Variants in TNN observed in about 807,000 individuals in gnomAD.
TNN encodes tenascin N, also known as tenascin-N.
A neutral mutation model predicts 134.4 loss-of-function variants in TNN; 122 were observed. The observed-to-expected ratio is 0.91, with a 90% confidence interval of 0.78 to 1.06. The LOEUF is 1.06. Among genes scored for constraint, TNN ranks in the 50% least tolerant of loss-of-function variants. The pLI is 0.00. For missense variants in TNN, 1,739 were observed against 1,699.4 expected (o/e 1.02, Z -0.41); for synonymous variants, 710 against 670.3 (o/e 1.06, Z -0.91).
intron 4 of TNN, 96 bp from the exon 5 acceptor site, chr1:175,083,654 A>T: frequency 8.3e-7 from 1 of 1,201,750 alleles, no homozygotes; most frequent in Non-Finnish European, 1.2e-6. Context: ...TGAGATGTCA[A>T]GAAAGGGAGC....
chr1:175,121,556 A>G (rs1675377644), intron 11 of TNN, among the ~76,000 whole-genome samples: 1 of 152,252 alleles, frequency 6.6e-6, no homozygotes. Context: ...AGGAGAATAA[A>G]TGGAGAAAAT....
In TNN at chr1:175,128,762, C is replaced by T; in HGVS notation, c.3330+16C>T. The T allele has an allele frequency of 6.2e-7, 1 of 1,606,692 alleles. No homozygotes were observed. Among genetic ancestry groups the T allele is most frequent in the Non-Finnish European group, 8.5e-7 (1 of 1,175,530 alleles). ...TGGCTGGATTGTGAGTCACGCAGAA[C>T]CCTGGGGAGCTCTGTGTAGGGCCTT... On this transcript the variant is annotated intron_variant, in intron 15 of 18. Transcript: ENST00000239462.
intron 15 of TNN, 134 bp from the exon 16 acceptor site, chr1:175,135,710 TA>T: frequency 3.0e-6 from 2 of 676,536 alleles, no homozygotes; most frequent in Non-Finnish European, 2.7e-6. Flanking sequence ...GACATATAAA[TA>T]AAAAGCCTCT....
chr1:175,086,149 C>T (rs1309995412), intron 6 of TNN, among the ~76,000 whole-genome samples: 2 of 152,156 alleles, frequency 1.3e-5, no homozygotes, highest in African/African-American at 2.4e-5. Context: ...TCCCTAAAGA[C>T]AAGTGATCTA....
At chr1:175,078,534 T>C (rs1371547832) in intron 2 of TNN, among the ~76,000 whole-genome samples, 1 of 152,122 alleles carries the variant, frequency 6.6e-6, no homozygotes, top group Non-Finnish European at 1.5e-5. Context: ...CCTGAAGGAA[T>C]TGCTATGGTA....
chr1:175,108,804 C>A (rs1674935187), intron 9 of TNN, among the ~76,000 whole-genome samples: 1 of 147,482 alleles, frequency 6.8e-6, no homozygotes. Flanking sequence ...GGCCCGCAAG[C>A]ACCATGTGCA....
chr1:175,101,364 G>A (rs1674719828), intron 9 of TNN, among the ~76,000 whole-genome samples: 2 of 149,428 alleles, frequency 1.3e-5, no homozygotes, highest in African/African-American at 2.4e-5. Context: ...CAGGAGTGAA[G>A]CTGCAGATCT....
intron 1 of TNN, among the ~76,000 whole-genome samples, chr1:175,074,106 C>T (rs903393234): frequency 6.6e-6 from 1 of 152,152 alleles, no homozygotes; most frequent in East Asian, 1.9e-4. Flanking sequence ...AATCAGGCAC[C>T]AGTCTCTTTG....
intron 13 of TNN, 38 bp downstream of exon 13, chr1:175,127,123 C>G: frequency 6.2e-7 from 1 of 1,600,812 alleles, no homozygotes; most frequent in Non-Finnish European, 8.5e-7. Context: ...GGTGCCTTCT[C>G]TTCTGTGTGA....
intron 17 of TNN, among the ~76,000 whole-genome samples, chr1:175,139,529 G>A (rs1675896719): frequency 6.6e-6 from 1 of 152,160 alleles, no homozygotes; most frequent in Non-Finnish European, 1.5e-5. Flanking sequence ...AGGAGCAATA[G>A]CACACATGGA....
In TNN at chr1:175,132,332, G is replaced by C. The variant is rs139501068; in HGVS notation, c.3331-3513G>C. The stretch of plus-strand genomic sequence containing the variant: ...TATCAGTGATTAGCTGTAGGACTCT[G>C]GATACTCGCTTTTCTGGACTTTCAC... On this transcript the variant is annotated intron_variant, in intron 15 of 18. Coordinates refer to ENST00000239462, the MANE Select transcript of TNN (RefSeq NM_022093.2). Among the ~76,000 whole-genome samples, 485 of 152,260 alleles carry C rather than the reference G, an allele frequency of 3.2e-3. 1 individual carries two copies. Among genetic ancestry groups the C allele is most frequent in the South Asian group, 0.011 (53 of 4,820 alleles).
intron 1 of TNN, among the ~76,000 whole-genome samples, chr1:175,072,016 C>T (rs79014414): frequency 1.3e-5 from 2 of 152,148 alleles, no homozygotes; most frequent in African/African-American, 4.8e-5. Flanking sequence ...GCTAGAAACA[C>T]GCATACAGAT....
In TNN at chr1:175,147,990, T is replaced by C. The variant is rs1676114065; in HGVS notation, c.*919T>C. On this transcript the variant is annotated 3_prime_UTR_variant, in exon 19 of 19. Transcript: ENST00000239462. ...CTTATTTTCTATCACTTTGGAGGGT[T>C]TTCTGTAGCAAAATCAGTGACCAAT... 6.6e-6 allele frequency: 1 copy of C among 152,146 alleles called. No homozygotes were observed. Among genetic ancestry groups the C allele is most frequent in the Admixed American group, 6.5e-5 (1 of 15,270 alleles). The allele number at this position is 152,146 out of a possible 1,614,324, so 9.4% of individuals were successfully genotyped here.
rs192751204 is a variant in TNN at position 175,074,127 on chromosome 1, C to A, written c.-35-3257C>A. On this transcript the variant is annotated intron_variant, in intron 1 of 18. Coordinates refer to ENST00000239462, the MANE Select transcript of TNN (RefSeq NM_022093.2). The stretch of plus-strand genomic sequence containing the variant: ...GCACCAGTCTCTTTGCCTGCCACCC[C>A]CACTAATTCACCGTGACCCCACCCC... Among the ~76,000 whole-genome samples the A allele has an allele frequency of 5.8e-4, 88 of 152,254 alleles. 1 individual carries two copies. Among genetic ancestry groups the A allele is most frequent in the African/African-American group, 1.9e-3 (81 of 41,560 alleles).
Position 175,147,382 on chromosome 1 carries a change from C to A in TNN, c.*311C>A, listed in dbSNP as rs41266094. 1,315 of 256,956 alleles carry A rather than the reference C, an allele frequency of 5.1e-3. 10 individuals are homozygous for A. The highest frequency in any genetic ancestry group is 0.018 in the African/African-American group (809 of 45,370). The allele number at this position is 256,956 out of a possible 1,614,324, so 15.9% of individuals were successfully genotyped here. On this transcript the variant is annotated 3_prime_UTR_variant, in exon 19 of 19. Coordinates refer to ENST00000239462, the MANE Select transcript of TNN (RefSeq NM_022093.2). ...CAAGAGAAGGAATCACCCAGCACTTCACCAGTTGGAAATCTCTGGAAATTT... is the reference window on the plus strand; with the variant it reads ...CAAGAGAAGGAATCACCCAGCACTTAACCAGTTGGAAATCTCTGGAAATTT...
In TNN at chr1:175,093,984, ATG is replaced by A. The variant is rs773017198; in HGVS notation, c.1325-5_1325-4del. 1 of 1,581,620 alleles carries A rather than the reference ATG, an allele frequency of 6.3e-7. No homozygotes were observed. The highest frequency in any genetic ancestry group is 8.6e-7 in the Non-Finnish European group (1 of 1,156,330). ...TGATTTTTCTTTCTCATGTGTTTTT[ATG>A]AAGAAATTGACAGTCCAACCAATGT... On this transcript the variant is annotated splice_region_variant and splice_polypyrimidine_tract_variant and intron_variant, in intron 6 of 18. Transcript: ENST00000239462.
Position 175,117,306 on chromosome 1 carries a change from AATGGAAGAGTGGGATGGCATCCCTTC to A in TNN, c.2386+104_2386+129del, listed in dbSNP as rs1382820944. ...CTGACATTGGCAGAAGTCAATGATT[AATGGAAGAGTGGGATGGCATCCCTTC>A]ATAACAGATTGCACACACCATCCCT... On this transcript the variant is annotated intron_variant, in intron 10 of 18. Transcript: ENST00000239462. 4 of 1,568,552 alleles carry A rather than the reference AATGGAAGAGTGGGATGGCATCCCTTC, an allele frequency of 2.6e-6. No homozygotes were observed. In the East Asian group the frequency reaches 6.7e-5, roughly 26 times the overall value.
chr1:175,125,922 C>T, intron 12 of TNN, among the ~76,000 whole-genome samples: 1 of 143,932 alleles, frequency 6.9e-6, no homozygotes, highest in East Asian at 2.0e-4. Flanking sequence ...TCTCTCTTCT[C>T]TTTCTTTCTT....
intron 9 of TNN, among the ~76,000 whole-genome samples, chr1:175,105,564 G>A (rs949117071): frequency 1.4e-5 from 2 of 145,460 alleles, no homozygotes; most frequent in Non-Finnish European, 3.0e-5. Context: ...TGGACATAAG[G>A]TATTTCACTC....
Sources: allele counts gnomAD v4.1 joint callset (sites outside exome capture counted in the v4.1 genomes callset), GRCh38; gene constraint gnomAD v4.1.1; transcripts MANE v1.5; gene names NCBI Gene and HGNC (gene_info 2026-07-23, HGNC 2026-07-21).